Variants in NPEPPS observed in about 807,000 individuals in gnomAD.
NPEPPS encodes the protein puromycin-sensitive aminopeptidase.
NPEPPS carries 14 observed loss-of-function variants against 115.5 expected under a neutral mutation model. The ratio of observed to expected loss-of-function variants is 0.12; its 90% CI spans 0.08 to 0.19. NPEPPS has a LOEUF of 0.19. Among genes scored for constraint, NPEPPS ranks in the 10% least tolerant of loss-of-function variants. NPEPPS has a pLI of 1.00. For synonymous variants in NPEPPS, 285 were observed against 390.6 expected (o/e 0.73, Z 3.19); for missense variants, 523 against 1,110.8 (o/e 0.47, Z 7.52).
chr17:47,603,498 A>T (rs1913348315), intron 15 of NPEPPS: 1 of 153,556 alleles, frequency 6.5e-6, no homozygotes, highest in Admixed American at 6.5e-5. Flanking sequence ...GTACTTCTTT[A>T]AAATTGGAAT....
intron 2 of NPEPPS, among the ~76,000 whole-genome samples, chr17:47,558,034 C>T (rs1033001452): frequency 9.9e-5 from 15 of 151,658 alleles, no homozygotes; most frequent in Admixed American, 8.6e-4. Flanking sequence ...TCAAGCAATG[C>T]TTGTGCCTCA....
intron 3 of NPEPPS, among the ~76,000 whole-genome samples, chr17:47,578,963 C>T (rs1436630590): frequency 6.6e-6 from 1 of 152,164 alleles, no homozygotes; most frequent in Non-Finnish European, 1.5e-5. Flanking sequence ...TGACACTGGA[C>T]AAGTTATTTA....
rs1914621592 is a variant in NPEPPS, at chr17:47,622,309, T to G, written c.*389T>G. The G allele has an allele frequency of 1.2e-5, 2 of 171,656 alleles. No individual in the cohort carries two copies. The highest frequency in any genetic ancestry group is 1.2e-5 in the Non-Finnish European group (1 of 83,394). The allele number at this position is 171,656 out of a possible 1,614,324, so 10.6% of individuals were successfully genotyped here. On this transcript the variant is annotated 3_prime_UTR_variant, in exon 23 of 23. Transcript: ENST00000322157. ...CTTGGTGAAGAGCATTTTTGTGAAG[T>G]GGGTTCTGCAAGGAGCCTATAAAGC...
chr17:47,533,826 C>G (rs1908000729), intron 1 of NPEPPS, among the ~76,000 whole-genome samples: 1 of 152,004 alleles, frequency 6.6e-6, no homozygotes, highest in African/African-American at 2.4e-5. Context: ...GTAGCATGAA[C>G]TTTTCAAAAC....
chr17:47,550,127 G>A lies in NPEPPS; in HGVS notation c.340+4134G>A, dbSNP rs532479596. ...TTTTTGTATTTTTAGTAGAGACGAGGTTTTACCGTATTAGCCAGGATGGTC... is the reference window on the plus strand; with the variant it reads ...TTTTTGTATTTTTAGTAGAGACGAGATTTTACCGTATTAGCCAGGATGGTC... On this transcript the variant is annotated intron_variant, in intron 2 of 22. Coordinates refer to ENST00000322157, the MANE Select transcript of NPEPPS (RefSeq NM_006310.4). Among the ~76,000 whole-genome samples the A allele has an allele frequency of 6.6e-4, 100 of 151,858 alleles. No individual in the cohort carries two copies. In the East Asian group the frequency reaches 0.017, roughly 26 times the overall value.
intron 9 of NPEPPS, among the ~76,000 whole-genome samples, chr17:47,588,268 A>T (rs534865923): frequency 1.2e-4 from 18 of 152,310 alleles, no homozygotes; most frequent in African/African-American, 3.6e-4. Context: ...AATTCTTTGA[A>T]ATATAATTTC....
chr17:47,593,236 T>C (rs757799996), intron 12 of NPEPPS, among the ~76,000 whole-genome samples: 77 of 152,196 alleles, frequency 5.1e-4, no homozygotes, highest in Non-Finnish European at 8.4e-4. Flanking sequence ...TCCTCCAGCA[T>C]TCTGCTTTCC....
upstream of NPEPPS, among the ~76,000 whole-genome samples, chr17:47,529,231 A>C (rs1907558279): frequency 1.3e-5 from 2 of 152,054 alleles, no homozygotes; most frequent in African/African-American, 4.8e-5. Context: ...CATTTTTAAA[A>C]TTGTTATTTC....
intron 6 of NPEPPS, 59 bp downstream of exon 6, chr17:47,585,759 C>T (rs1818830291): frequency 1.6e-6 from 2 of 1,216,948 alleles, no homozygotes; most frequent in Admixed American, 1.7e-5. Flanking sequence ...GGGGAATTTA[C>T]ATTTCTGGTC....
At chr17:47,541,948 A>AT (rs1908797946) in intron 1 of NPEPPS, among the ~76,000 whole-genome samples, 1 of 152,198 alleles carries the variant, frequency 6.6e-6, no homozygotes, top group African/African-American at 2.4e-5. Flanking sequence ...TGAATAGCTC[A>AT]TTATAGACTT....
chr17:47,538,562 C>G (rs1342203035), intron 1 of NPEPPS, among the ~76,000 whole-genome samples: 1 of 123,484 alleles, frequency 8.1e-6, no homozygotes, highest in Admixed American at 9.8e-5. Context: ...CAGAGTCTTG[C>G]TCTGTCGCCA....
chr17:47,617,810 G>A (rs2143982572), intron 19 of NPEPPS, among the ~76,000 whole-genome samples: 2 of 152,184 alleles, frequency 1.3e-5, no homozygotes, highest in Middle Eastern at 3.4e-3. Flanking sequence ...CTGTTCATCT[G>A]GTAGCATTTA....
At chr17:47,603,817 C>T in intron 15 of NPEPPS, 98 bp from the exon 16 acceptor site, 1 of 1,116,542 alleles carries the variant, frequency 9.0e-7, no homozygotes, top group Admixed American at 2.4e-5. Context: ...GTTTTTCATC[C>T]AGATATATCT....
intron 1 of NPEPPS, among the ~76,000 whole-genome samples, chr17:47,524,588 G>A (rs1163650780): frequency 1.3e-5 from 2 of 151,498 alleles, no homozygotes; most frequent in East Asian, 2.0e-4. Context: ...TCTGCCTCCC[G>A]GGTTCACACC....
chr17:47,564,056 C>CTACT lies in NPEPPS; in HGVS notation c.341-5361_341-5360insTACT, dbSNP rs1910631944. Among the ~76,000 whole-genome samples, 6 of 152,028 alleles carry CTACT rather than the reference C, an allele frequency of 3.9e-5. No homozygotes were observed. The South Asian group carries it at 1.3e-3, about 32-fold the overall frequency. ...CAAGCGATTCTCCTGCCTCAGCCTC[C>CTACT]CAAGTAGTTGGGATTACAGGCGCAC... is the stretch of plus-strand genomic sequence containing the variant. On this transcript the variant is annotated intron_variant, in intron 2 of 22. Transcript: ENST00000322157.
chr17:47,600,632 G>A (rs182219205), intron 14 of NPEPPS, among the ~76,000 whole-genome samples: 1 of 152,262 alleles, frequency 6.6e-6, no homozygotes, highest in Admixed American at 6.5e-5. Flanking sequence ...TTACTTTGTG[G>A]TTTAACCTGA....
intron 1 of NPEPPS, among the ~76,000 whole-genome samples, chr17:47,535,001 C>T (rs1313197741): frequency 2.7e-4 from 40 of 148,750 alleles, no homozygotes; most frequent in Middle Eastern, 7.6e-3. Flanking sequence ...TCCCAGCACT[C>T]TGGGAGGCCG....
intron 3 of NPEPPS, among the ~76,000 whole-genome samples, chr17:47,573,893 TAG>T (rs918393530): frequency 9.2e-5 from 14 of 152,198 alleles, no homozygotes; most frequent in Non-Finnish European, 2.9e-5. Flanking sequence ...TAAAAAATTT[TAG>T]AGTTTTAAAT....
intron 13 of NPEPPS, among the ~76,000 whole-genome samples, chr17:47,596,814 G>A (rs1356648683): frequency 6.6e-6 from 1 of 152,208 alleles, no homozygotes; most frequent in African/African-American, 2.4e-5. Context: ...CTGGGAGGCC[G>A]TGGCGGGTGG....
Sources: gnomAD v4.1 joint callset for allele counts (sites outside exome capture counted in the v4.1 genomes callset) on GRCh38, gnomAD v4.1.1 for gene constraint, MANE v1.5 for transcripts, NCBI Gene and HGNC (gene_info 2026-07-23, HGNC 2026-07-21) for gene names.